The following ODAD2 variants were observed in gnomAD, a reference collection of about 807,000 sequenced individuals.
ODAD2 encodes the protein outer dynein arm docking complex subunit 2.
ODAD2 carries 89 observed loss-of-function variants against 106.8 expected under a neutral mutation model. The observed-to-expected ratio is 0.83, with a 90% confidence interval of 0.70 to 0.99. The LOEUF (loss-of-function observed/expected upper bound fraction) is 0.99, where lower values mean the gene tolerates loss of function less well. Ranked by LOEUF, ODAD2 falls within the 50% of genes least tolerant of loss-of-function variation. ODAD2 has a pLI of 0.00. For synonymous variants in ODAD2, 404 were observed against 436.2 expected, an observed-to-expected ratio of 0.93 and a Z score of 0.92; for missense variants, 1,168 against 1,238.5, an observed-to-expected ratio of 0.94 and a Z score of 0.85.
chr10:27,993,974 A>ATGTGTGTGTG lies in ODAD2; in HGVS notation c.224+935_224+944dup, dbSNP rs56017872. Among the ~76,000 whole-genome samples, 431 of 140,608 alleles carry ATGTGTGTGTG rather than the reference A, an allele frequency of 3.1e-3. 1 individual carries two copies. Among genetic ancestry groups the ATGTGTGTGTG allele is most frequent in the Non-Finnish European group, 3.6e-3 (234 of 65,374 alleles). The allele number at this position is 140,608 out of a possible 152,430, so 92.2% of individuals were successfully genotyped here. A position where few individuals can be genotyped will look rare whatever the true frequency, so the allele number is the denominator to read the frequency against. On this transcript the variant is annotated intron_variant, in intron 2 of 19. Transcript: ENST00000305242. ...GAGGCTGGCAAATATATATATATATATGTGTGTGTGTGTGTGTGTGTGTGT... is the reference window on the plus strand; with the variant it reads ...GAGGCTGGCAAATATATATATATATATGTGTGTGTGTGTGTGTGTGTGTGTGTGTGTGTGT...
intron 19 of ODAD2, among the ~76,000 whole-genome samples, chr10:27,842,383 A>G (rs921188508): frequency 2.0e-5 from 3 of 152,112 alleles, no homozygotes; most frequent in Non-Finnish European, 4.4e-5. Flanking sequence ...GAAGAATGTC[A>G]TTTTCTGGAT....
intron 19 of ODAD2, among the ~76,000 whole-genome samples, chr10:27,830,645 T>A (rs955580509): frequency 6.6e-6 from 1 of 152,212 alleles, no homozygotes; most frequent in Non-Finnish European, 1.5e-5. Flanking sequence ...AAATGATACA[T>A]GAAGAGCATA....
At position 27,925,008 on chromosome 10, in the gene ODAD2, G is replaced by A. The variant is rs141527849; in HGVS notation, c.2495+10002C>T. ...AAAATGAAAAAAAAAAAAAAATCCC[G>A]ATTCCTTTTGTGAAGCAAGTATAAC... On this transcript the variant is annotated intron_variant, in intron 16 of 19. Transcript: ENST00000305242. Among the ~76,000 whole-genome samples, 1,093 of 144,334 alleles carry A rather than the reference G, an allele frequency of 7.6e-3. 13 individuals carry two copies. Among genetic ancestry groups the A allele is most frequent in the African/African-American group, 0.026 (1,013 of 39,472 alleles). 94.7% of individuals were successfully genotyped at this position (144,334 alleles called of 152,430 possible). A position where few individuals can be genotyped will look rare whatever the true frequency, so the allele number is the denominator to read the frequency against.
chr10:27,899,653 C>A (rs1359149941), intron 17 of ODAD2, among the ~76,000 whole-genome samples: 3 of 151,970 alleles, frequency 2.0e-5, no homozygotes, highest in Non-Finnish European at 1.5e-5. Context: ...ATTACTGAGG[C>A]TTGAGTAGGT....
At chr10:27,945,550 C>G (rs1009771603) in intron 10 of ODAD2, among the ~76,000 whole-genome samples, 4 of 152,126 alleles carry the variant, frequency 2.6e-5, no homozygotes, top group African/African-American at 9.7e-5. Context: ...TGAGCAAAAT[C>G]CTGGCTGAAC....
intron 10 of ODAD2, among the ~76,000 whole-genome samples, chr10:27,954,818 C>A (rs1393684243): frequency 6.6e-6 from 1 of 152,180 alleles, no homozygotes; most frequent in Non-Finnish European, 1.5e-5. Context: ...AAAAATAAAA[C>A]ACGACAAATT....
chr10:27,904,531 T>A (rs1306799621), intron 17 of ODAD2, among the ~76,000 whole-genome samples: 1 of 152,208 alleles, frequency 6.6e-6, no homozygotes, highest in East Asian at 1.9e-4. Context: ...GCCTCTGAGA[T>A]TTGACTTGCC....
chr10:27,935,733 C>T (rs950162470), intron 15 of ODAD2, among the ~76,000 whole-genome samples: 1 of 148,690 alleles, frequency 6.7e-6, no homozygotes, highest in Non-Finnish European at 1.5e-5. Flanking sequence ...CAGGTATCTT[C>T]TATATTAACC....
chr10:27,893,763 T>A (rs902343113), intron 17 of ODAD2, among the ~76,000 whole-genome samples: 5 of 152,202 alleles, frequency 3.3e-5, no homozygotes, highest in African/African-American at 1.2e-4. Flanking sequence ...TTTGGTATGA[T>A]CTCTTCTTCT....
intron 19 of ODAD2, among the ~76,000 whole-genome samples, 181 bp from the exon 20 acceptor site, chr10:27,812,806 C>T (rs1835844387): frequency 1.3e-5 from 2 of 152,122 alleles, no homozygotes; most frequent in Admixed American, 1.3e-4. Flanking sequence ...ACAGGAATTC[C>T]TCATGCACTT....
chr10:27,889,387 G>C (rs73604096), intron 17 of ODAD2, among the ~76,000 whole-genome samples: 139 of 152,288 alleles, frequency 9.1e-4, no homozygotes, highest in African/African-American at 3.3e-3. Context: ...CACTTTGATG[G>C]ACACAGCATA....
chr10:27,958,535 G>A (rs949316342), intron 10 of ODAD2, among the ~76,000 whole-genome samples: 18 of 152,138 alleles, frequency 1.2e-4, no homozygotes, highest in African/African-American at 4.1e-4. Context: ...GACGTTGAGA[G>A]ACTTTCCCTC....
chr10:27,920,166 G>A (rs928564118), intron 16 of ODAD2, among the ~76,000 whole-genome samples: 2 of 152,022 alleles, frequency 1.3e-5, no homozygotes, highest in African/African-American at 4.8e-5. Flanking sequence ...CAGCCGGGAG[G>A]TTTATAATAA....
intron 7 of ODAD2, among the ~76,000 whole-genome samples, chr10:27,978,338 A>C (rs1388937054): frequency 6.6e-6 from 1 of 152,278 alleles, no homozygotes; most frequent in Non-Finnish European, 1.5e-5. Context: ...TGGAAACATA[A>C]GCCTTTGAAA....
At chr10:27,874,204 C>T (rs1220294507) in intron 17 of ODAD2, among the ~76,000 whole-genome samples, 3 of 152,104 alleles carry the variant, frequency 2.0e-5, no homozygotes, top group Non-Finnish European at 4.4e-5. Context: ...TTTCCATTTG[C>T]TTGGTAGATC....
At chr10:27,814,236 C>G (rs1468256100) in intron 19 of ODAD2, among the ~76,000 whole-genome samples, 1 of 152,138 alleles carries the variant, frequency 6.6e-6, no homozygotes, top group Non-Finnish European at 1.5e-5. Flanking sequence ...CCAGCTATCA[C>G]CCAGGAAGAG....
At chr10:27,828,104 A>G (rs753060546) in intron 19 of ODAD2, among the ~76,000 whole-genome samples, 6 of 152,184 alleles carry the variant, frequency 3.9e-5, no homozygotes, top group Non-Finnish European at 7.4e-5. Flanking sequence ...GTTAAATTCC[A>G]TGAAAGATGA....
At chr10:27,836,098 A>G (rs1283791732) in intron 19 of ODAD2, 1 of 153,356 alleles carries the variant, frequency 6.5e-6, no homozygotes, top group Non-Finnish European at 1.5e-5. Context: ...TGGCAGAGTC[A>G]GAAGGAAATC....
chr10:27,969,322 A>G (rs1163405800), intron 8 of ODAD2, among the ~76,000 whole-genome samples: 1 of 151,850 alleles, frequency 6.6e-6, no homozygotes, highest in Non-Finnish European at 1.5e-5. Context: ...ATCGCCGCCA[A>G]TTATAGTTTT....
Sources: allele counts gnomAD v4.1 joint callset (sites outside exome capture counted in the v4.1 genomes callset), GRCh38; gene constraint gnomAD v4.1.1; transcripts MANE v1.5; gene names NCBI Gene and HGNC (gene_info 2026-07-23, HGNC 2026-07-21).